The following BMP3 variants were observed in gnomAD, a reference collection of about 807,000 sequenced individuals.
BMP3 encodes the protein bone morphogenetic protein 3 (osteogenic).
Under a neutral mutation model 38.1 loss-of-function variants are expected in BMP3, and 23 were observed. That is an observed-to-expected ratio of 0.60 (90% CI 0.43 to 0.86). BMP3 has a LOEUF of 0.86. BMP3 is among the 40% of genes least tolerant of loss of function. The probability of loss-of-function intolerance (pLI) is 0.00; values close to 1 mark genes in which losing one functional copy is unlikely to be tolerated. For missense variants in BMP3, 628 were observed against 579.6 expected, an observed-to-expected ratio of 1.08 and a Z score of -0.86; for synonymous variants, 258 against 225.7, an observed-to-expected ratio of 1.14 and a Z score of -1.28.
In BMP3 at chr4:81,055,095, G is replaced by A. The variant is rs1464680879; in HGVS notation, c.*1559G>A. On this transcript the variant is annotated 3_prime_UTR_variant, in exon 3 of 3. Transcript: ENST00000282701. Reference sequence around the variant, plus strand: ...CCTCACTGGTAAAATGAAGAGGCTGGCCATGAGCTGGAAGGGTTAAGTTTA... The same window carrying A: ...CCTCACTGGTAAAATGAAGAGGCTGACCATGAGCTGGAAGGGTTAAGTTTA... The A allele has an allele frequency of 6.6e-6, 1 of 152,142 alleles. No homozygotes were observed. The highest frequency in any genetic ancestry group is 1.5e-5 in the Non-Finnish European group (1 of 68,012). The allele number at this position is 152,142 out of a possible 1,614,324, so 9.4% of individuals were successfully genotyped here.
chr4:81,039,601 T>C (rs1487384692), intron 1 of BMP3, among the ~76,000 whole-genome samples: 1 of 152,188 alleles, frequency 6.6e-6, no homozygotes, highest in Non-Finnish European at 1.5e-5. Context: ...GCTTTGTTTT[T>C]AGATAAAAAC....
chr4:81,053,211 T>A (rs1257701758), intron 2 of BMP3, 134 bp from the exon 3 acceptor site: 3 of 575,130 alleles, frequency 5.2e-6, no homozygotes, highest in East Asian at 6.4e-5. Context: ...TTGGGCTTAA[T>A]GTATAATGAT....
At chr4:81,032,465 C>G (rs1280941209) in intron 1 of BMP3, among the ~76,000 whole-genome samples, 2 of 152,200 alleles carry the variant, frequency 1.3e-5, no homozygotes, top group African/African-American at 4.8e-5. Context: ...TAACAGCCTC[C>G]CTCCCTTGTG....
In BMP3 at chr4:81,031,551, G is replaced by A. The variant is rs1190791398; in HGVS notation, c.267G>A (p.Arg89=). ...LEGGSQPWRP[R]LLREGNTVRS... ...GAGGCTCGCAGCCCTGGCGCCCTCG[G>A]CTCCTGCGCGAAGGCAACACGGTTC... The change falls in exon 1 of 3, where the codon CGG becomes CGA. Residue 89 remains arginine, a synonymous_variant. Coordinates refer to ENST00000282701, the MANE Select transcript of BMP3 (RefSeq NM_001201.5). 2 of 1,610,462 alleles carry A rather than the reference G, an allele frequency of 1.2e-6. No homozygotes were observed. Among genetic ancestry groups the A allele is most frequent in the Non-Finnish European group, 1.7e-6 (2 of 1,178,984 alleles).
intron 1 of BMP3, among the ~76,000 whole-genome samples, chr4:81,033,502 G>A (rs1055054284): frequency 3.9e-5 from 6 of 152,132 alleles, no homozygotes; most frequent in Non-Finnish European, 5.9e-5. Flanking sequence ...ACAAGGCTGT[G>A]TGCCCTGATA....
At chr4:81,032,523 CT>C (rs1391056938) in intron 1 of BMP3, among the ~76,000 whole-genome samples, 1 of 152,214 alleles carries the variant, frequency 6.6e-6, no homozygotes, top group African/African-American at 2.4e-5. Context: ...TGTTTTTATG[CT>C]TTGAGGATTC....
intron 1 of BMP3, among the ~76,000 whole-genome samples, chr4:81,040,910 A>G (rs1437882117): frequency 6.6e-6 from 1 of 152,194 alleles, no homozygotes; most frequent in East Asian, 1.9e-4. Context: ...TTAATCAGGA[A>G]GTACACTTCA....
At chr4:81,040,989 T>C (rs1156871607) in intron 1 of BMP3, among the ~76,000 whole-genome samples, 1 of 152,176 alleles carries the variant, frequency 6.6e-6, no homozygotes, top group African/African-American at 2.4e-5. Flanking sequence ...AAGGTGAATA[T>C]TAAGGTATTT....
At chr4:81,052,965 G>T (rs570162493) in intron 2 of BMP3, among the ~76,000 whole-genome samples, 164 of 152,196 alleles carry the variant, frequency 1.1e-3, no homozygotes, top group African/African-American at 3.7e-3. Context: ...TTAATTCCAT[G>T]TTTGGGGGCT....
At position 81,031,112 on chromosome 4, in the gene BMP3, C is replaced by A; in HGVS notation, c.-173C>A. 1 of 675,534 alleles carries A rather than the reference C, an allele frequency of 1.5e-6. No individual in the cohort carries two copies. The highest frequency in any genetic ancestry group is 3.2e-5 in the Admixed American group (1 of 31,706). 41.8% of individuals were successfully genotyped at this position (675,534 alleles called of 1,614,324 possible). A position where few individuals can be genotyped will look rare whatever the true frequency, so the allele number is the denominator to read the frequency against. On this transcript the variant is annotated 5_prime_UTR_variant, in exon 1 of 3. Coordinates refer to ENST00000282701, the MANE Select transcript of BMP3 (RefSeq NM_001201.5). ...CACCTGTCAGGCTGCGCTGGGTCAG[C>A]GCAGCAAGTGGGGCTGGCCGCTATC...
In BMP3 at chr4:81,046,590, C is replaced by A. The variant is rs1299836904; in HGVS notation, c.1169C>A (p.Ser390Tyr). ...ATTGGCTGGAGTGAATGGATTATCT[C>A]CCCCAAGTCCTTTGATGCCTATTAT... is the stretch of plus-strand genomic sequence containing the variant. ...ADIGWSEWII[S>Y]PKSFDAYYCS... The change falls in exon 2 of 3, where the codon TCC becomes TAC. Residue 390 changes from serine (S) to tyrosine (Y), a missense_variant. By Grantham distance (144) the Ser-to-Tyr change is moderately radical. Coordinates refer to ENST00000282701, the MANE Select transcript of BMP3 (RefSeq NM_001201.5). The A allele has an allele frequency of 1.9e-6, 3 of 1,614,050 alleles. No homozygotes were observed. In the East Asian group the frequency reaches 6.7e-5, roughly 36 times the overall value.
At chr4:81,045,493 T>A (rs1740204654) in intron 1 of BMP3, among the ~76,000 whole-genome samples, 1 of 152,204 alleles carries the variant, frequency 6.6e-6, no homozygotes, top group Admixed American at 6.5e-5. Context: ...ATTTACCGAT[T>A]TTATTGATGT....
Position 81,055,521 on chromosome 4 carries a change from GA to G in BMP3, c.*1989del, listed in dbSNP as rs1357122504. 1 of 152,158 alleles carries G rather than the reference GA, an allele frequency of 6.6e-6. No homozygotes were observed. The highest frequency in any genetic ancestry group is 2.4e-5 in the African/African-American group (1 of 41,446). The allele number at this position is 152,158 out of a possible 1,614,324, so 9.4% of individuals were successfully genotyped here. A position where few individuals can be genotyped will look rare whatever the true frequency, so the allele number is the denominator to read the frequency against. On this transcript the variant is annotated 3_prime_UTR_variant, in exon 3 of 3. Transcript: ENST00000282701. Reference sequence around the variant, plus strand: ...TTTTAATACATGTTCTCAAACATTTGAAAATAAAAGTATATGATAGAAGGGG... The same window carrying G: ...TTTTAATACATGTTCTCAAACATTTGAAATAAAAGTATATGATAGAAGGGG...
intron 1 of BMP3, among the ~76,000 whole-genome samples, chr4:81,043,161 G>A (rs908675642): frequency 6.6e-6 from 1 of 152,170 alleles, no homozygotes; most frequent in East Asian, 1.9e-4. Context: ...TCACGATTGC[G>A]TGTGTGTTTC....
Position 81,055,515 on chromosome 4 carries a change from A to G in BMP3, c.*1979A>G, listed in dbSNP as rs1277150694. 6.6e-6 allele frequency: 1 copy of G among 152,220 alleles called. No individual in the cohort carries two copies. Among genetic ancestry groups the G allele is most frequent in the East Asian group, 1.9e-4 (1 of 5,204 alleles). 9.4% of individuals were successfully genotyped at this position (152,220 alleles called of 1,614,324 possible). On this transcript the variant is annotated 3_prime_UTR_variant, in exon 3 of 3. Transcript: ENST00000282701. ...ATTACTTTTTAATACATGTTCTCAA[A>G]CATTTGAAAATAAAAGTATATGATA...
intron 1 of BMP3, among the ~76,000 whole-genome samples, chr4:81,043,572 C>G (rs561843646): frequency 6.8e-6 from 1 of 146,264 alleles, no homozygotes; most frequent in East Asian, 2.0e-4. Context: ...TTACCCAATG[C>G]TTATCAAGCA....
intron 1 of BMP3, among the ~76,000 whole-genome samples, chr4:81,041,424 A>T (rs1740072151): frequency 6.6e-6 from 1 of 152,244 alleles, no homozygotes; most frequent in East Asian, 1.9e-4. Flanking sequence ...ATGCTTTGTG[A>T]AATGGCTGAT....
intron 1 of BMP3, among the ~76,000 whole-genome samples, chr4:81,044,722 CAA>C (rs1452173881): frequency 6.6e-6 from 1 of 152,174 alleles, no homozygotes; most frequent in Non-Finnish European, 1.5e-5. Context: ...TGGAATCAAA[CAA>C]TATGTGATCT....
At chr4:81,033,110 G>T (rs910237025) in intron 1 of BMP3, among the ~76,000 whole-genome samples, 2 of 152,208 alleles carry the variant, frequency 1.3e-5, no homozygotes, top group Non-Finnish European at 2.9e-5. Context: ...TGGCAAAAAT[G>T]AAGGTACTCA....
Sources: gnomAD v4.1 joint callset for allele counts (sites outside exome capture counted in the v4.1 genomes callset) on GRCh38, gnomAD v4.1.1 for gene constraint, MANE v1.5 for transcripts, NCBI Gene and HGNC (gene_info 2026-07-23, HGNC 2026-07-21) for gene names.